DAB2IP: variants seen among roughly 807,000 people sequenced by gnomAD.
DAB2IP encodes DAB2 interacting protein.
DAB2IP carries 28 observed loss-of-function variants against 107.2 expected under a neutral mutation model. That is an observed-to-expected ratio of 0.26 (90% CI 0.19 to 0.36). DAB2IP has a LOEUF of 0.36. Among genes scored for constraint, DAB2IP ranks in the 10% least tolerant of loss-of-function variants. The pLI, the probability that DAB2IP is intolerant of heterozygous loss-of-function variation, is 1.00. For synonymous variants in DAB2IP, 755 were observed against 706.4 expected (o/e 1.07, Z -1.09); for missense variants, 1,400 against 1,644.7 (o/e 0.85, Z 2.57).
At position 121,582,288 on chromosome 9, in the gene DAB2IP, T is replaced by TTGAGGTGGGG. The variant is rs1488934637; in HGVS notation, c.40+15060_40+15061insTGAGGTGGGG. Among the ~76,000 whole-genome samples the TTGAGGTGGGG allele has an allele frequency of 3.3e-5, 5 of 152,118 alleles. No homozygotes were observed. In the East Asian group the frequency reaches 9.7e-4, roughly 29 times the overall value. On this transcript the variant is annotated intron_variant, in intron 1 of 16. Coordinates refer to the DAB2IP transcript ENST00000259371. ...TCCTGGGGGTGAAGAGGTCAGGGAC[T>TTGAGGTGGGG]GCCTTGAGGTGGGGGCCAGGCCAGG...
chr9:121,614,968 A>G (rs568959479), intron 1 of DAB2IP, among the ~76,000 whole-genome samples: 1 of 151,070 alleles, frequency 6.6e-6, no homozygotes, highest in African/African-American at 2.4e-5. Context: ...TCCTGACCTC[A>G]GGTGATCCAC....
rs949764533 is a variant in DAB2IP at position 121,776,711 on chromosome 9, T to TG, written c.3314+326dup. On this transcript the variant is annotated intron_variant, in intron 14 of 15. Coordinates refer to ENST00000408936, the Ensembl canonical transcript of DAB2IP. The surrounding 1 kb of genome is among the most constrained non-coding windows in gnomAD (Gnocchi z 5.4). ...TCTCAGGGGCGCTGAGAAGCTGGAT[T>TG]GGGGGGTGCCAGGAAAGACAGGGAG... Among the ~76,000 whole-genome samples, 2 of 152,004 alleles carry TG rather than the reference T, an allele frequency of 1.3e-5. No individual in the cohort carries two copies. The highest frequency in any genetic ancestry group is 1.9e-4 in the East Asian group (1 of 5,168).
At chr9:121,745,282 A>G (rs973288779) in intron 3 of DAB2IP, among the ~76,000 whole-genome samples, 1 of 152,196 alleles carries the variant, frequency 6.6e-6, no homozygotes. Flanking sequence ...TGAGAGCCAC[A>G]GGTGGCTTTG....
chr9:121,581,794 G>C (rs1830199215), intron 1 of DAB2IP, among the ~76,000 whole-genome samples: 1 of 152,202 alleles, frequency 6.6e-6, no homozygotes, highest in South Asian at 2.1e-4. Flanking sequence ...CAGTAAAGTA[G>C]GCAGGAACCA....
chr9:121,780,989 G>A (rs1014967692), intron 14 of DAB2IP, among the ~76,000 whole-genome samples: 4 of 152,110 alleles, frequency 2.6e-5, no homozygotes, highest in Non-Finnish European at 2.9e-5. Context: ...TTAGTTACTC[G>A]TGCCTCCTGC....
At chr9:121,580,710 C>A (rs982528186) in intron 1 of DAB2IP, among the ~76,000 whole-genome samples, 1 of 152,086 alleles carries the variant, frequency 6.6e-6, no homozygotes, top group African/African-American at 2.4e-5. Context: ...CTGCAAGCTC[C>A]GCCTCTCAGG....
At position 121,782,937 on chromosome 9, in the gene DAB2IP, G is replaced by A; in HGVS notation, c.*439G>A. ...GTGGCTTCCCCTCGCCTCCTTGGGGGGCCCGGGACTCCCTGGCAGCCAGGC... is the reference window on the plus strand; with the variant it reads ...GTGGCTTCCCCTCGCCTCCTTGGGGAGCCCGGGACTCCCTGGCAGCCAGGC... On this transcript the variant is annotated 3_prime_UTR_variant, in exon 16 of 16. Transcript: ENST00000408936. This position sits in a 1 kb window ranked among gnomAD's most constrained non-coding sequence, Gnocchi z 6.1. 8 of 1,020,044 alleles carry A rather than the reference G, an allele frequency of 7.8e-6. No individual in the cohort carries two copies. Among genetic ancestry groups the A allele is most frequent in the Non-Finnish European group, 9.4e-6 (8 of 851,054 alleles). 63.2% of individuals were successfully genotyped at this position (1,020,044 alleles called of 1,614,324 possible). A position where few individuals can be genotyped will look rare whatever the true frequency, so the allele number is the denominator to read the frequency against.
intron 14 of DAB2IP, 59 bp from the exon 15 acceptor site, chr9:121,781,405 A>C (rs202155207): frequency 0.018 from 28,243 of 1,556,592 alleles, 316 homozygotes; most frequent in Non-Finnish European, 0.022. Context: ...TTGTTCTCAC[A>C]CCCTCCCCAC....
chr9:121,755,339 T>C (rs1833403010), intron 3 of DAB2IP, among the ~76,000 whole-genome samples: 1 of 152,200 alleles, frequency 6.6e-6, no homozygotes, highest in South Asian at 2.1e-4. Flanking sequence ...ATGCTGGGCT[T>C]GTCCATGGGC....
rs1233219277 is a variant in DAB2IP, at chr9:121,760,386, G to A, written c.1117G>A (p.Glu373Lys). 1.9e-6 allele frequency: 3 copies of A among 1,610,084 alleles called. No individual in the cohort carries two copies. In the African/African-American group the frequency reaches 4.0e-5, roughly 21 times the overall value. Reference sequence around the variant, plus strand: ...GCCCATCCTCAGTGCCAAGACCAAGGAGGAGATGGCATCTGCCCTGGTGCA... The same window carrying A: ...GCCCATCCTCAGTGCCAAGACCAAGAAGGAGATGGCATCTGCCCTGGTGCA... Residue 373 changes from glutamate (E) to lysine (K), a missense_variant, in exon 6 of 16, where the codon GAG (glutamate) becomes AAG (lysine). By Grantham distance (56) the Glu-to-Lys change is moderately conservative (BLOSUM62 1). Coordinates refer to ENST00000408936, the Ensembl canonical transcript of DAB2IP. The surrounding 1 kb of genome is among the most constrained non-coding windows in gnomAD (Gnocchi z 5.9).
intron 3 of DAB2IP, among the ~76,000 whole-genome samples, chr9:121,749,186 C>T (rs957084682): frequency 2.4e-4 from 36 of 152,232 alleles, no homozygotes; most frequent in African/African-American, 8.7e-4. Flanking sequence ...TTCTGAGCAG[C>T]CGGTTCCCAG....
chr9:121,621,984 C>CTTTTTT (rs1202929145), intron 1 of DAB2IP, among the ~76,000 whole-genome samples: 50 of 99,688 alleles, frequency 5.0e-4, no homozygotes, highest in African/African-American at 7.7e-4. Context: ...TTTTTTCTTT[C>CTTTTTT]TTTTTTTTTT....
rs1405866633 is a variant in DAB2IP at position 121,586,929 on chromosome 9, G to T, written c.40+19701G>T. Among the ~76,000 whole-genome samples the T allele has an allele frequency of 1.1e-4, 16 of 152,308 alleles. No individual in the cohort carries two copies. In the East Asian group the frequency reaches 2.3e-3, roughly 22 times the overall value. On this transcript the variant is annotated intron_variant, in intron 1 of 16. Coordinates refer to the DAB2IP transcript ENST00000259371. ...GTAATTCCAAGAAGCAAGTTAAACTGTAAAAGCTCAGGACCTCTGAGTCAA... is the reference window on the plus strand; with the variant it reads ...GTAATTCCAAGAAGCAAGTTAAACTTTAAAAGCTCAGGACCTCTGAGTCAA...
At chr9:121,722,576 A>G (rs1337906627) in intron 3 of DAB2IP, among the ~76,000 whole-genome samples, 1 of 152,198 alleles carries the variant, frequency 6.6e-6, no homozygotes, top group Non-Finnish European at 1.5e-5. Flanking sequence ...CTTGGGCCAG[A>G]GAGGGGACTG....
At position 121,699,180 on chromosome 9, in the gene DAB2IP, C is replaced by A; in HGVS notation, c.229-145C>A. ...CGGTCGGCGGGCGGGCGGCGCGGGC[C>A]GCGAGCTGCTGGGGCCGAGCCCGAG... On this transcript the variant is annotated intron_variant, in intron 2 of 15. Coordinates refer to ENST00000408936, the Ensembl canonical transcript of DAB2IP. This position sits in a 1 kb window ranked among gnomAD's most constrained non-coding sequence, Gnocchi z 6.2. The A allele has an allele frequency of 1.1e-6, 1 of 927,782 alleles. No individual in the cohort carries two copies. The highest frequency in any genetic ancestry group is 1.3e-6 in the Non-Finnish European group (1 of 780,858). 57.5% of individuals were successfully genotyped at this position (927,782 alleles called of 1,614,324 possible).
At position 121,714,483 on chromosome 9, in the gene DAB2IP, C is replaced by G. The variant is rs531972973; in HGVS notation, c.362+15025C>G. 3.9e-5 allele frequency among the ~76,000 whole-genome samples: 6 copies of G among 152,308 alleles called. No homozygotes were observed. The East Asian group carries it at 9.6e-4, about 24-fold the overall frequency. On this transcript the variant is annotated intron_variant, in intron 3 of 15. Coordinates refer to ENST00000408936, the Ensembl canonical transcript of DAB2IP. The stretch of plus-strand genomic sequence containing the variant: ...GGCAGGCAGCTATTGGCGCTGTGAG[C>G]CTCCCTTTTAGGGCGGGGCACCGAT...
In DAB2IP at chr9:121,679,913, C is replaced by T. The variant is rs74661860; in HGVS notation, c.228+1132C>T. ...AACAGCAGTTGCAAAGGTATGGAGG[C>T]ACCCTAGAAATTTCCTCTGCTTGCC... On this transcript the variant is annotated intron_variant, in intron 2 of 15. Coordinates refer to ENST00000408936, the Ensembl canonical transcript of DAB2IP. Among the ~76,000 whole-genome samples the T allele has an allele frequency of 9.0e-4, 137 of 152,268 alleles. 1 individual carries two copies. The East Asian group carries it at 0.024, about 27-fold the overall frequency.
chr9:121,656,196 C>T (rs993777598), intron 1 of DAB2IP, among the ~76,000 whole-genome samples: 34 of 152,208 alleles, frequency 2.2e-4, no homozygotes, highest in East Asian at 7.8e-4. Flanking sequence ...TCAGTAGAGA[C>T]GGGGTTTCTC....
intron 3 of DAB2IP, among the ~76,000 whole-genome samples, chr9:121,730,666 G>A (rs1206045966): frequency 1.3e-5 from 2 of 152,228 alleles, no homozygotes; most frequent in African/African-American, 2.4e-5. Context: ...TTCTGCAGAT[G>A]AGGAAACTAA....
Sources: gnomAD v4.1 joint callset for allele counts (sites outside exome capture counted in the v4.1 genomes callset) on GRCh38, gnomAD v4.1.1 for gene constraint, Gnocchi (gnomAD v3.1) non-coding constraint, MANE v1.5 for transcripts, NCBI Gene and HGNC (gene_info 2026-07-23, HGNC 2026-07-21) for gene names.